Variants in PTGES3L observed in about 807,000 individuals in gnomAD.
PTGES3L encodes the protein putative protein PTGES3L.
Under a neutral mutation model 25.0 loss-of-function variants are expected in PTGES3L, and 17 were observed. The observed-to-expected ratio is 0.68, with a 90% CI of 0.47 to 1.02. PTGES3L has a LOEUF of 1.02. PTGES3L is among the 50% of genes least tolerant of loss of function. The pLI is 0.00. For synonymous variants in PTGES3L, 59 were observed against 65.7 expected, an observed-to-expected ratio of 0.90 and a Z score of 0.50; for missense variants, 202 against 197.5, an observed-to-expected ratio of 1.02 and a Z score of -0.14.
intron 4 of PTGES3L, among the ~76,000 whole-genome samples, chr17:42,972,867 AG>A (rs1464991738): frequency 2.2e-5 from 3 of 138,286 alleles, no homozygotes; most frequent in Non-Finnish European, 4.7e-5. Flanking sequence ...CATCCCATCT[AG>A]GAAGTGAGGA....
Position 42,971,648 on chromosome 17 carries a change from C to T in PTGES3L, c.337G>A (p.Asp113Asn). The part of the protein sequence containing the change: ...DFDNWRDWEG[D>N]EEMELAHVEH... Reference sequence around the variant, plus strand: ...ACATGAGCCAGCTCCATCTCTTCATCCCCTTCCCAGTCTCTCCAGTTATCA... The same window carrying T: ...ACATGAGCCAGCTCCATCTCTTCATTCCCTTCCCAGTCTCTCCAGTTATCA... The change falls in exon 5 of 7, where the codon GAT (aspartate) becomes AAT (asparagine). Residue 113 changes from aspartate (D) to asparagine (N), a missense_variant. Asp to Asn is a conservative substitution (Grantham distance 23). Transcript: ENST00000591916. 1 of 1,614,108 alleles carries T rather than the reference C, an allele frequency of 6.2e-7. No individual in the cohort carries two copies. The highest frequency in any genetic ancestry group is 8.5e-7 in the Non-Finnish European group (1 of 1,180,022).
chr17:42,971,806 G>A, intron 4 of PTGES3L, 110 bp from the exon 5 acceptor site: 1 of 987,366 alleles, frequency 1.0e-6, no homozygotes. Flanking sequence ...GGGTCAGTAG[G>A]TCCCTAGTCC....
intron 4 of PTGES3L, among the ~76,000 whole-genome samples, chr17:42,976,793 G>T (rs568862707): frequency 6.6e-6 from 1 of 152,194 alleles, no homozygotes; most frequent in African/African-American, 2.4e-5. Context: ...GGCCTTAAGT[G>T]GGGGAGCATC....
intron 4 of PTGES3L, among the ~76,000 whole-genome samples, chr17:42,978,268 G>A (rs1422016771): frequency 1.2e-4 from 18 of 151,932 alleles, no homozygotes; most frequent in Admixed American, 3.3e-4. Context: ...TTAGCCAGGC[G>A]TGGGGGCACA....
At chr17:42,977,029 G>A (rs972526055) in intron 4 of PTGES3L, among the ~76,000 whole-genome samples, 3 of 152,172 alleles carry the variant, frequency 2.0e-5, no homozygotes, top group Non-Finnish European at 4.4e-5. Flanking sequence ...GGTGGCTCAT[G>A]CCTGTAATTC....
At chr17:42,970,860 A>T (rs2049824428) in intron 5 of PTGES3L, among the ~76,000 whole-genome samples, 1 of 151,672 alleles carries the variant, frequency 6.6e-6, no homozygotes, top group Non-Finnish European at 1.5e-5. Context: ...AAAAAAAATT[A>T]GCCAGGGGTG....
In PTGES3L at chr17:42,979,663, C is replaced by T; in HGVS notation, c.9G>A (p.Arg3=). The T allele has an allele frequency of 6.2e-7, 1 of 1,613,586 alleles. No homozygotes were observed. Among genetic ancestry groups the T allele is most frequent in the Non-Finnish European group, 8.5e-7 (1 of 1,179,802 alleles). The change falls in exon 2 of 7, where the codon CGG becomes CGA. Residue 3 remains arginine, a splice_region_variant and synonymous_variant. Transcript: ENST00000591916. ...CGTACCACAAGGTCCGGGCGTGCTGCCTGAAGAGAAGTTGAGGTGTGGCTT... is the reference window on the plus strand; with the variant it reads ...CGTACCACAAGGTCCGGGCGTGCTGTCTGAAGAGAAGTTGAGGTGTGGCTT... MA[R]QHARTLWYDR...
intron 6 of PTGES3L, 39 bp from the exon 7 acceptor site, chr17:42,969,225 C>G: frequency 9.4e-7 from 1 of 1,058,870 alleles, no homozygotes; most frequent in Non-Finnish European, 1.4e-6. Context: ...CACCTGTAGA[C>G]CCTGCAAAGC....
rs2049841799 is a variant in PTGES3L at position 42,971,793 on chromosome 17, A to G, written c.289-97T>C. 3 of 1,266,194 alleles carry G rather than the reference A, an allele frequency of 2.4e-6. No homozygotes were observed. The Admixed American group carries it at 5.6e-5, about 24-fold the overall frequency. The allele number at this position is 1,266,194 out of a possible 1,614,324, so 78.4% of individuals were successfully genotyped here. A position where few individuals can be genotyped will look rare whatever the true frequency, so the allele number is the denominator to read the frequency against. ...ATGCATGGGAGCACGCCTGGGGAAAAGAGGGTCAGTAGGTCCCTAGTCCTC... is the reference window on the plus strand; with the variant it reads ...ATGCATGGGAGCACGCCTGGGGAAAGGAGGGTCAGTAGGTCCCTAGTCCTC... On this transcript the variant is annotated intron_variant, in intron 4 of 6. Transcript: ENST00000591916.
chr17:42,978,234 C>T (rs2049998788), intron 4 of PTGES3L, among the ~76,000 whole-genome samples: 1 of 151,846 alleles, frequency 6.6e-6, no homozygotes, highest in South Asian at 2.1e-4. Flanking sequence ...TGGTGAAACC[C>T]CGTCTCTACT....
At chr17:42,979,491 G>A in intron 2 of PTGES3L, 47 bp from the exon 3 acceptor site, 2 of 1,614,172 alleles carry the variant, frequency 1.2e-6, no homozygotes, top group East Asian at 4.5e-5. Context: ...TCCGTGTGGG[G>A]ACATTAGGAA....
chr17:42,973,193 G>C (rs1355177289), intron 4 of PTGES3L, among the ~76,000 whole-genome samples: 2 of 83,922 alleles, frequency 2.4e-5, no homozygotes, highest in Non-Finnish European at 5.0e-5. Flanking sequence ...AGGGAGGTGG[G>C]GGGGGGTCAG....
In PTGES3L at chr17:42,973,432, G is replaced by A. The variant is rs1471942658; in HGVS notation, c.289-1736C>T. Among the ~76,000 whole-genome samples the A allele has an allele frequency of 2.0e-5, 3 of 148,890 alleles. No homozygotes were observed. In the South Asian group the frequency reaches 6.4e-4, roughly 32 times the overall value. ...CGGGAGGTGAGGGGCGCCTCTGCCC[G>A]GCCGCCCCTACTGGGAAGTGAGGAG... On this transcript the variant is annotated intron_variant, in intron 4 of 6. Transcript: ENST00000591916.
intron 4 of PTGES3L, among the ~76,000 whole-genome samples, chr17:42,973,228 T>C (rs2049886346): frequency 6.8e-6 from 1 of 146,038 alleles, no homozygotes; most frequent in African/African-American, 2.5e-5. Context: ...AGCCGCCCCG[T>C]CCGGGAGGGA....
At chr17:42,980,015 CA>C (rs1368741806) in intron 1 of PTGES3L, 30 bp downstream of exon 1, 4 of 1,542,880 alleles carry the variant, frequency 2.6e-6, no homozygotes, top group Admixed American at 4.0e-5. Flanking sequence ...GGAAAAGGGC[CA>C]GGGGGAGCAC....
At chr17:42,972,733 C>G (rs929217903) in intron 4 of PTGES3L, among the ~76,000 whole-genome samples, 1 of 152,154 alleles carries the variant, frequency 6.6e-6, no homozygotes, top group African/African-American at 2.4e-5. Context: ...CAGCCTCTGC[C>G]CGGCCGCCAC....
chr17:42,969,050 G>A lies in PTGES3L; in HGVS notation c.*98C>T, dbSNP rs1428746423. The A allele has an allele frequency of 5.8e-6, 5 of 857,006 alleles. No homozygotes were observed. The highest frequency in any genetic ancestry group is 7.5e-6 in the Non-Finnish European group (4 of 532,520). 53.1% of individuals were successfully genotyped at this position (857,006 alleles called of 1,614,324 possible). On this transcript the variant is annotated 3_prime_UTR_variant, in exon 7 of 7. Transcript: ENST00000591916. ...AAGTTCAGAGATCTCAGAAGAACTT[G>A]GTGCACAGCCAAAGCGCTGACAAAG...
At chr17:42,970,657 G>A (rs2049816016) in intron 5 of PTGES3L, among the ~76,000 whole-genome samples, 2 of 144,396 alleles carry the variant, frequency 1.4e-5, no homozygotes, top group Admixed American at 1.4e-4. Context: ...ATCCCATGAA[G>A]TTGTCTGGCT....
At chr17:42,970,676 G>GCACA (rs57542042) in intron 5 of PTGES3L, among the ~76,000 whole-genome samples, 5,969 of 144,020 alleles carry the variant, frequency 0.041, 130 homozygotes, top group Middle Eastern at 0.063. Flanking sequence ...CTTAACACGC[G>GCACA]CACACACACA....
Sources: allele counts gnomAD v4.1 joint callset (sites outside exome capture counted in the v4.1 genomes callset), GRCh38; gene constraint gnomAD v4.1.1; transcripts MANE v1.5; gene names NCBI Gene and HGNC (gene_info 2026-07-23, HGNC 2026-07-21).